The following KCNQ3 variants were observed in gnomAD, a reference collection of about 807,000 sequenced individuals.
KCNQ3 encodes the protein potassium voltage-gated channel subfamily Q member 3.
Under a neutral mutation model 92.5 loss-of-function variants are expected in KCNQ3, and 30 were observed. The observed-to-expected ratio is 0.32, with a 90% CI of 0.24 to 0.44. The LOEUF (loss-of-function observed/expected upper bound fraction) is 0.44. KCNQ3 is among the 20% of genes least tolerant of loss of function. The pLI is 1.00. For synonymous variants in KCNQ3, 450 were observed against 468.8 expected, an observed-to-expected ratio of 0.96 and a Z score of 0.52; for missense variants, 913 against 1,140.3, an observed-to-expected ratio of 0.80 and a Z score of 2.87.
intron 1 of KCNQ3, among the ~76,000 whole-genome samples, chr8:132,383,397 G>T (rs1388984111): frequency 6.6e-6 from 1 of 152,230 alleles, no homozygotes; most frequent in African/African-American, 2.4e-5. Context: ...GGCACTGCCA[G>T]CCTGCAGGGA....
rs150237585 is a variant in KCNQ3, at chr8:132,437,957, A to G, written c.386+42190T>C. The stretch of plus-strand genomic sequence containing the variant: ...AGCTTTGTGTGTGTGCATGAAGCCA[A>G]TTCCATTGAGTGACTGCTACAAGTG... On this transcript the variant is annotated intron_variant, in intron 1 of 14. Transcript: ENST00000388996. Among the ~76,000 whole-genome samples the G allele has an allele frequency of 8.5e-3, 1,290 of 152,332 alleles. 23 individuals carry two copies. Among genetic ancestry groups the G allele is most frequent in the African/African-American group, 0.03 (1,241 of 41,570 alleles).
At chr8:132,392,044 A>G (rs1820060838) in intron 1 of KCNQ3, among the ~76,000 whole-genome samples, 1 of 152,094 alleles carries the variant, frequency 6.6e-6, no homozygotes, top group Non-Finnish European at 1.5e-5. Flanking sequence ...GTCATAAACC[A>G]TGGTGGACTT....
chr8:132,390,814 G>A (rs1820031238), intron 1 of KCNQ3, among the ~76,000 whole-genome samples: 1 of 152,202 alleles, frequency 6.6e-6, no homozygotes, highest in Admixed American at 6.5e-5. Context: ...CATTAGACTG[G>A]TATCTTTATA....
intron 1 of KCNQ3, among the ~76,000 whole-genome samples, chr8:132,271,459 T>C (rs921789252): frequency 2.6e-5 from 4 of 152,222 alleles, no homozygotes; most frequent in Non-Finnish European, 5.9e-5. Flanking sequence ...TCTTGAACTC[T>C]GCAACCCAGC....
At chr8:132,201,604 A>G (rs1827461020) in intron 1 of KCNQ3, among the ~76,000 whole-genome samples, 1 of 152,328 alleles carries the variant, frequency 6.6e-6, no homozygotes, top group African/African-American at 2.4e-5. Flanking sequence ...AACAGCACAG[A>G]TATTAAACAT....
intron 1 of KCNQ3, among the ~76,000 whole-genome samples, chr8:132,201,016 C>T (rs924139014): frequency 3.3e-5 from 5 of 152,150 alleles, no homozygotes; most frequent in Non-Finnish European, 7.3e-5. Context: ...CATAACATGG[C>T]AGAAGGTACC....
rs1187992762 is a variant in KCNQ3, at chr8:132,211,472, G to A, written c.387-25291C>T. 8.5e-5 allele frequency among the ~76,000 whole-genome samples: 13 copies of A among 152,132 alleles called. 1 individual carries two copies. The highest frequency in any genetic ancestry group is 8.5e-4 in the Admixed American group (13 of 15,268). On this transcript the variant is annotated intron_variant, in intron 1 of 14. Coordinates refer to ENST00000388996, the MANE Select transcript of KCNQ3 (RefSeq NM_004519.4). ...TTCCCCCTCCTCCTGTGTAGAATCA[G>A]AATTGGCTCCATTTGCCTGTTTAGT...
chr8:132,195,054 T>C (rs1827265651), intron 1 of KCNQ3, among the ~76,000 whole-genome samples: 1 of 152,216 alleles, frequency 6.6e-6, no homozygotes, highest in Non-Finnish European at 1.5e-5. Flanking sequence ...AAAGGCTAAA[T>C]ACCATACACC....
chr8:132,453,671 A>G (rs1159306552), intron 1 of KCNQ3, among the ~76,000 whole-genome samples: 3 of 151,366 alleles, frequency 2.0e-5, no homozygotes, highest in Non-Finnish European at 4.4e-5. Context: ...ATTCTCATTG[A>G]TCTGTTTTTT....
intron 1 of KCNQ3, among the ~76,000 whole-genome samples, chr8:132,251,438 T>C (rs1289771986): frequency 6.6e-6 from 1 of 152,188 alleles, no homozygotes; most frequent in Non-Finnish European, 1.5e-5. Flanking sequence ...CCTCCTGATA[T>C]CATTTTAAAA....
chr8:132,447,273 C>T (rs959214947), intron 1 of KCNQ3: 4 of 1,534,652 alleles, frequency 2.6e-6, no homozygotes, highest in African/African-American at 2.7e-5. Context: ...GGTGGTAACA[C>T]AGCTAGAAAT....
intron 1 of KCNQ3, among the ~76,000 whole-genome samples, chr8:132,187,587 T>C (rs1013731174): frequency 6.6e-6 from 1 of 151,992 alleles, no homozygotes; most frequent in Non-Finnish European, 1.5e-5. Flanking sequence ...GATATCTGCC[T>C]CCCCTAAGCC....
rs1824575065 is a variant in KCNQ3, at chr8:132,123,833, A to C, written c.*5429T>G. On this transcript the variant is annotated 3_prime_UTR_variant, in exon 15 of 15. Coordinates refer to ENST00000388996, the MANE Select transcript of KCNQ3 (RefSeq NM_004519.4). ...ATCTATGATAACAAATCAAAATATG[A>C]ATCACAATTTTCTTACAGGGTTGCT... 1 of 152,186 alleles carries C rather than the reference A, an allele frequency of 6.6e-6. No individual in the cohort carries two copies. Among genetic ancestry groups the C allele is most frequent in the Non-Finnish European group, 1.5e-5 (1 of 68,036 alleles). The allele number at this position is 152,186 out of a possible 1,614,324, so 9.4% of individuals were successfully genotyped here. A position where few individuals can be genotyped will look rare whatever the true frequency, so the allele number is the denominator to read the frequency against.
chr8:132,131,982 G>A (rs1465656962), intron 14 of KCNQ3, among the ~76,000 whole-genome samples, 198 bp downstream of exon 14: 1 of 152,044 alleles, frequency 6.6e-6, no homozygotes, highest in East Asian at 1.9e-4. Context: ...CAGCTCCTCA[G>A]GAGGCTGAGG....
intron 1 of KCNQ3, among the ~76,000 whole-genome samples, chr8:132,248,334 G>GTATATATATATATATATATATA (rs5895135): frequency 6.9e-6 from 1 of 144,146 alleles, no homozygotes; most frequent in African/African-American, 2.5e-5. Flanking sequence ...TAGTCTATAA[G>GTATATATATATATATATATATA]TATATATATA....
At chr8:132,335,796 GA>G (rs1326709393) in intron 1 of KCNQ3, among the ~76,000 whole-genome samples, 4 of 152,152 alleles carry the variant, frequency 2.6e-5, no homozygotes, top group Non-Finnish European at 5.9e-5. Flanking sequence ...CAAAGTTGGG[GA>G]AAAGAATCTA....
chr8:132,252,337 C>A (rs1333055620), intron 1 of KCNQ3, among the ~76,000 whole-genome samples: 2 of 152,082 alleles, frequency 1.3e-5, no homozygotes, highest in Non-Finnish European at 2.9e-5. Flanking sequence ...TCACTGACTT[C>A]AGGAGTGAAG....
chr8:132,205,900 A>G (rs1027145128), intron 1 of KCNQ3, among the ~76,000 whole-genome samples: 2 of 152,192 alleles, frequency 1.3e-5, no homozygotes, highest in Non-Finnish European at 2.9e-5. Flanking sequence ...AAGGCAGAGC[A>G]TCACCTCTCT....
chr8:132,222,722 C>T (rs1814278062), intron 1 of KCNQ3, among the ~76,000 whole-genome samples: 1 of 152,132 alleles, frequency 6.6e-6, no homozygotes, highest in Non-Finnish European at 1.5e-5. Flanking sequence ...GTATCTAGTG[C>T]AGTCAGTCAC....
Sources: gnomAD v4.1 joint callset for allele counts (sites outside exome capture counted in the v4.1 genomes callset) on GRCh38, gnomAD v4.1.1 for gene constraint, MANE v1.5 for transcripts, NCBI Gene and HGNC (gene_info 2026-07-23, HGNC 2026-07-21) for gene names.